The following C7 variants were observed in gnomAD, a reference collection of about 807,000 sequenced individuals.
C7 encodes the protein complement component C7.
C7 carries 83 observed loss-of-function variants against 104.8 expected under a neutral mutation model. The observed-to-expected ratio is 0.79, with a 90% CI of 0.66 to 0.95. The LOEUF is 0.95. Among genes scored for constraint, C7 ranks in the 40% least tolerant of loss-of-function variants. The pLI is 0.00. For synonymous variants in C7, 415 were observed against 360.6 expected (o/e 1.15, Z -1.71); for missense variants, 1,070 against 1,011.2 (o/e 1.06, Z -0.79).
intron 17 of C7, 28 bp from the exon 18 acceptor site, chr5:40,981,363 CA>C (rs749498701): frequency 1.3e-6 from 2 of 1,592,648 alleles, no homozygotes; most frequent in African/African-American, 2.7e-5. Context: ...CACAATGTAC[CA>C]TTAAGCCTCT....
At chr5:40,966,251 C>T (rs1740548745) in intron 14 of C7, among the ~76,000 whole-genome samples, 1 of 151,972 alleles carries the variant, frequency 6.6e-6, no homozygotes, top group African/African-American at 2.4e-5. Flanking sequence ...AGTCTTTTAT[C>T]CCTTACCCCC....
chr5:40,973,606 C>A (rs1740748168), intron 15 of C7, among the ~76,000 whole-genome samples: 1 of 152,228 alleles, frequency 6.6e-6, no homozygotes, highest in African/African-American at 2.4e-5. Context: ...CCCTCCCTGC[C>A]TGTCCTGATG....
intron 3 of C7, among the ~76,000 whole-genome samples, chr5:40,931,444 A>T (rs1048048667): frequency 6.6e-6 from 1 of 152,240 alleles, no homozygotes; most frequent in Non-Finnish European, 1.5e-5. Context: ...AGAAATAGGA[A>T]TAACATAGAA....
rs368760357 is a variant in C7 at position 40,966,327 on chromosome 5, A to G, written c.1882+1454A>G. Among the ~76,000 whole-genome samples the G allele has an allele frequency of 3.3e-5, 5 of 150,464 alleles. No individual in the cohort carries two copies. In the East Asian group the frequency reaches 7.8e-4, roughly 23 times the overall value. Reference sequence around the variant, plus strand: ...CAGTCTTATGCCTTTGCATCCTCATAGCTTAGCTCCCACTTGTGAGTGAGA... The same window carrying G: ...CAGTCTTATGCCTTTGCATCCTCATGGCTTAGCTCCCACTTGTGAGTGAGA... On this transcript the variant is annotated intron_variant, in intron 14 of 17. Coordinates refer to ENST00000313164, the MANE Select transcript of C7 (RefSeq NM_000587.4).
intron 2 of C7, among the ~76,000 whole-genome samples, chr5:40,929,376 G>A (rs1405567228): frequency 6.6e-6 from 1 of 152,122 alleles, no homozygotes; most frequent in Non-Finnish European, 1.5e-5. Context: ...CAGGACAGAG[G>A]CTAGAAAAAT....
At chr5:40,915,146 A>G (rs969641667) in intron 1 of C7, among the ~76,000 whole-genome samples, 1 of 152,222 alleles carries the variant, frequency 6.6e-6, no homozygotes, top group Admixed American at 6.5e-5. Flanking sequence ...AAGACGTCCA[A>G]AGAACCACAA....
intron 10 of C7, 98 bp downstream of exon 10, chr5:40,955,651 T>A: frequency 4.9e-6 from 5 of 1,029,908 alleles, no homozygotes; most frequent in Non-Finnish European, 7.0e-6. Context: ...CAGACATGGC[T>A]GTAATTAGCA....
At chr5:40,912,710 T>C (rs2111604768) in intron 1 of C7, among the ~76,000 whole-genome samples, 1 of 152,364 alleles carries the variant, frequency 6.6e-6, no homozygotes, top group African/African-American at 2.4e-5. Flanking sequence ...TTATTTTCAT[T>C]ATCCACATTT....
At chr5:40,976,950 G>T in intron 16 of C7, 110 bp downstream of exon 16, 1 of 833,704 alleles carries the variant, frequency 1.2e-6, no homozygotes. Flanking sequence ...AAGAGTTAAG[G>T]GTCTTTGTTT....
chr5:40,978,616 A>G (rs1740870158), intron 16 of C7, among the ~76,000 whole-genome samples: 1 of 152,196 alleles, frequency 6.6e-6, no homozygotes. Context: ...TGTTTTATAA[A>G]TAACTCCAAG....
At chr5:40,955,342 A>G in intron 9 of C7, 45 bp from the exon 10 acceptor site, 1 of 1,543,410 alleles carries the variant, frequency 6.5e-7, no homozygotes, top group Non-Finnish European at 8.7e-7. Flanking sequence ...GTTTTTTTAA[A>G]TACTTGATAG....
intron 5 of C7, among the ~76,000 whole-genome samples, chr5:40,936,899 G>A (rs1739829701): frequency 6.6e-6 from 1 of 152,138 alleles, no homozygotes; most frequent in South Asian, 2.1e-4. Flanking sequence ...AGAAGCAAGT[G>A]TGTTGTAATA....
chr5:40,974,093 C>A (rs1171135192), intron 15 of C7, among the ~76,000 whole-genome samples: 1 of 104,876 alleles, frequency 9.5e-6, no homozygotes, highest in Admixed American at 9.1e-5. Context: ...CCATTTTATC[C>A]ATTTTTAAAT....
chr5:40,937,312 G>A (rs908218664), intron 5 of C7: 1 of 276,192 alleles, frequency 3.6e-6, no homozygotes, highest in Non-Finnish European at 6.7e-6. Flanking sequence ...TAGATGGAAA[G>A]AATGTTGGAT....
In C7 at chr5:40,918,040, G is replaced by T. The variant is rs542614587; in HGVS notation, c.6+8424G>T. Among the ~76,000 whole-genome samples, 19 of 152,222 alleles carry T rather than the reference G, an allele frequency of 1.2e-4. No homozygotes were observed. In the South Asian group the frequency reaches 3.9e-3, roughly 32 times the overall value. ...ATGTTCTCTGGAAGCCTCATAATAA[G>T]CACAAAGCAAAAATCTTTAGTAGAA... On this transcript the variant is annotated intron_variant, in intron 1 of 17. Coordinates refer to ENST00000313164, the MANE Select transcript of C7 (RefSeq NM_000587.4).
chr5:40,925,634 A>C (rs988941781), intron 1 of C7, among the ~76,000 whole-genome samples: 15 of 152,172 alleles, frequency 9.9e-5, no homozygotes, highest in African/African-American at 3.6e-4. Context: ...GTTGCTATAG[A>C]GAAATATCTG....
chr5:40,956,096 GA>G (rs888596434), intron 10 of C7, among the ~76,000 whole-genome samples: 22 of 151,742 alleles, frequency 1.4e-4, no homozygotes, highest in Middle Eastern at 3.4e-3. Flanking sequence ...AGGGCTTAAG[GA>G]AAAAAAATCA....
At chr5:40,938,747 T>C (rs1328075756) in intron 6 of C7, among the ~76,000 whole-genome samples, 1 of 152,204 alleles carries the variant, frequency 6.6e-6, no homozygotes, top group Non-Finnish European at 1.5e-5. Context: ...AAAAGCTATT[T>C]CTGTCATACA....
chr5:40,957,733 G>C (rs1740323270), intron 10 of C7, among the ~76,000 whole-genome samples: 1 of 151,404 alleles, frequency 6.6e-6, no homozygotes, highest in Non-Finnish European at 1.5e-5. Flanking sequence ...TGGCGTTACA[G>C]GCGTGAGTCA....
Sources: gnomAD v4.1 joint callset for allele counts (sites outside exome capture counted in the v4.1 genomes callset) on GRCh38, gnomAD v4.1.1 for gene constraint, MANE v1.5 for transcripts, NCBI Gene and HGNC (gene_info 2026-07-23, HGNC 2026-07-21) for gene names.